PTPRG: variants seen among roughly 807,000 people sequenced by gnomAD.
PTPRG encodes receptor-type tyrosine-protein phosphatase gamma.
PTPRG carries 102 observed loss-of-function variants against 165.3 expected under a neutral mutation model. The observed-to-expected ratio is 0.62, with a 90% CI of 0.53 to 0.73. The LOEUF is 0.73. Among genes scored for constraint, PTPRG ranks in the 30% least tolerant of loss-of-function variants. The pLI is 0.00. For synonymous variants in PTPRG, 675 were observed against 669.5 expected, an observed-to-expected ratio of 1.01 and a Z score of -0.13; for missense variants, 1,866 against 1,861.4, an observed-to-expected ratio of 1.00 and a Z score of -0.05.
intron 2 of PTPRG, among the ~76,000 whole-genome samples, chr3:61,947,103 G>A (rs1474193053): frequency 3.9e-5 from 6 of 152,126 alleles, no homozygotes; most frequent in Non-Finnish European, 4.4e-5. Context: ...GACCAGGGTG[G>A]CAGCGTTTTC....
At chr3:61,871,224 T>C (rs1472003720) in intron 2 of PTPRG, among the ~76,000 whole-genome samples, 2 of 132,810 alleles carry the variant, frequency 1.5e-5, no homozygotes, top group Non-Finnish European at 3.2e-5. Context: ...TGTTATGTTA[T>C]GTTATGTTAA....
intron 2 of PTPRG, among the ~76,000 whole-genome samples, chr3:61,822,589 T>C (rs1176221392): frequency 6.6e-6 from 1 of 152,122 alleles, no homozygotes; most frequent in Non-Finnish European, 1.5e-5. Context: ...ACAAGAAAAA[T>C]AAATCAAGCA....
chr3:61,852,868 A>G (rs1221800111), intron 2 of PTPRG, among the ~76,000 whole-genome samples: 1 of 152,224 alleles, frequency 6.6e-6, no homozygotes, highest in Non-Finnish European at 1.5e-5. Context: ...GCGTATGGAC[A>G]TACATGCATG....
At chr3:61,742,559 G>C (rs1478732320) in intron 1 of PTPRG, 3 of 1,593,028 alleles carry the variant, frequency 1.9e-6, no homozygotes, top group Non-Finnish European at 2.6e-6. Context: ...ACAGCCAGGT[G>C]AATGTTATAC....
chr3:61,640,860 T>C (rs2106952256), intron 1 of PTPRG, among the ~76,000 whole-genome samples: 1 of 152,316 alleles, frequency 6.6e-6, no homozygotes, highest in East Asian at 1.9e-4. Context: ...CCACAGCCTT[T>C]AGAGTTTCTT....
At chr3:62,124,354 A>G in intron 5 of PTPRG, 4 of 1,613,152 alleles carry the variant, frequency 2.5e-6, no homozygotes, top group Admixed American at 1.7e-5. Context: ...GCAGGCTGAC[A>G]ATAGTGGGAT....
chr3:61,983,702 G>A (rs533170051), intron 2 of PTPRG, among the ~76,000 whole-genome samples: 10 of 152,142 alleles, frequency 6.6e-5, no homozygotes, highest in Non-Finnish European at 1.0e-4. Context: ...TTAGACAAAA[G>A]TATGATTTCT....
intron 4 of PTPRG, among the ~76,000 whole-genome samples, chr3:62,044,297 G>C (rs1247030350): frequency 1.3e-5 from 2 of 152,200 alleles, no homozygotes; most frequent in African/African-American, 4.8e-5. Context: ...CCAGCACTTT[G>C]GGAGGCTGAG....
intron 2 of PTPRG, among the ~76,000 whole-genome samples, chr3:61,766,617 A>ATTT (rs71629142): frequency 2.7e-5 from 3 of 109,696 alleles, no homozygotes; most frequent in African/African-American, 9.6e-5. Flanking sequence ...GTTAAAAAAA[A>ATTT]TTTTTTTTTT....
At position 62,052,260 on chromosome 3, in the gene PTPRG, A is replaced by G. The variant is rs558532400; in HGVS notation, c.520-25903A>G. ...GCATCACTTTTTTTCTTCTTTTGTG[A>G]TTGTTTTAGGATGAATATATTGTGT... On this transcript the variant is annotated intron_variant, in intron 4 of 29. Coordinates refer to ENST00000474889, the MANE Select transcript of PTPRG (RefSeq NM_002841.4). 2.0e-5 allele frequency among the ~76,000 whole-genome samples: 3 copies of G among 151,962 alleles called. No individual in the cohort carries two copies. The East Asian group carries it at 5.8e-4, about 29-fold the overall frequency.
In PTPRG at chr3:62,254,051, A is replaced by G. The variant is rs974007743; in HGVS notation, c.2468-1073A>G. ...TCTCTCGAAAGAAAGAAGGAATGACATAGTCAATGTTAACTGTCACCAGAT... is the reference window on the plus strand; with the variant it reads ...TCTCTCGAAAGAAAGAAGGAATGACGTAGTCAATGTTAACTGTCACCAGAT... On this transcript the variant is annotated intron_variant, in intron 15 of 29. Transcript: ENST00000474889. This position sits in a 1 kb window ranked among gnomAD's most constrained non-coding sequence, Gnocchi z 4.6. Among the ~76,000 whole-genome samples, 1 of 152,264 alleles carries G rather than the reference A, an allele frequency of 6.6e-6. No homozygotes were observed. Among genetic ancestry groups the G allele is most frequent in the African/African-American group, 2.4e-5 (1 of 41,478 alleles).
At chr3:62,193,680 A>C (rs550029777) in intron 9 of PTPRG, among the ~76,000 whole-genome samples, 6 of 152,236 alleles carry the variant, frequency 3.9e-5, no homozygotes, top group Non-Finnish European at 8.8e-5. Context: ...AAAGTTAAAT[A>C]ACATGGCCCT....
At chr3:61,766,726 C>G (rs987230134) in intron 2 of PTPRG, among the ~76,000 whole-genome samples, 1 of 151,880 alleles carries the variant, frequency 6.6e-6, no homozygotes, top group Admixed American at 6.6e-5. Flanking sequence ...AAGCAATTCT[C>G]CTGTCTCAGC....
chr3:62,074,717 T>C (rs1701327781), intron 4 of PTPRG, among the ~76,000 whole-genome samples: 1 of 152,132 alleles, frequency 6.6e-6, no homozygotes, highest in Non-Finnish European at 1.5e-5. Context: ...ATCACTTAGA[T>C]TAACATTACT....
chr3:62,000,915 C>T (rs899716914), intron 3 of PTPRG, among the ~76,000 whole-genome samples: 7 of 152,126 alleles, frequency 4.6e-5, no homozygotes, highest in Admixed American at 6.5e-5. Flanking sequence ...TCAAAATAGC[C>T]CAGCCAGGTA....
chr3:61,969,774 C>T (rs774293223), intron 2 of PTPRG, among the ~76,000 whole-genome samples: 3 of 152,106 alleles, frequency 2.0e-5, no homozygotes, highest in Non-Finnish European at 4.4e-5. Flanking sequence ...GCGAATCACC[C>T]GGCCCAGCAT....
chr3:62,000,587 C>T (rs966317634), intron 3 of PTPRG, among the ~76,000 whole-genome samples: 1 of 152,194 alleles, frequency 6.6e-6, no homozygotes, highest in Non-Finnish European at 1.5e-5. Flanking sequence ...CTTGCCTGCT[C>T]TTCAGAACCG....
intron 4 of PTPRG, among the ~76,000 whole-genome samples, chr3:62,011,315 A>G (rs1465605694): frequency 6.6e-6 from 1 of 152,196 alleles, no homozygotes; most frequent in African/African-American, 2.4e-5. Flanking sequence ...CGGAGGTTCT[A>G]CGGGAACCCT....
intron 5 of PTPRG, among the ~76,000 whole-genome samples, chr3:62,112,857 C>T (rs778875935): frequency 9.9e-5 from 15 of 152,198 alleles, no homozygotes; most frequent in Non-Finnish European, 1.5e-4. Context: ...GAGGTGACTT[C>T]TCCAGTTTGG....
Sources: gnomAD v4.1 joint callset for allele counts (sites outside exome capture counted in the v4.1 genomes callset) on GRCh38, gnomAD v4.1.1 for gene constraint, Gnocchi (gnomAD v3.1) non-coding constraint, MANE v1.5 for transcripts, NCBI Gene and HGNC (gene_info 2026-07-23, HGNC 2026-07-21) for gene names.